The following SLC9B1 variants were observed in gnomAD, a reference collection of about 807,000 sequenced individuals.
SLC9B1 encodes sodium/hydrogen exchanger 9B1.
In SLC9B1, 32 loss-of-function variants were observed where a neutral mutation model predicts 51.7. That is an observed-to-expected ratio of 0.62 (90% CI 0.47 to 0.83). The LOEUF (loss-of-function observed/expected upper bound fraction) is 0.83, where lower values mean the gene tolerates loss of function less well. Among genes scored for constraint, SLC9B1 ranks in the 40% least tolerant of loss-of-function variants. The pLI is 0.00. For synonymous variants in SLC9B1, 145 were observed against 212.7 expected (o/e 0.68, Z 2.77); for missense variants, 406 against 613.2 (o/e 0.66, Z 3.57).
rs1343231351 is a variant in SLC9B1 at position 102,909,489 on chromosome 4, G to A, written c.1086+950C>T. The stretch of plus-strand genomic sequence containing the variant: ...GTGGTGGTGTGCGCCTGTAATCCCA[G>A]CTACTAGGGAGGCTGAAACAGAAGA... On this transcript the variant is annotated intron_variant, in intron 9 of 11. Coordinates refer to ENST00000296422, the MANE Select transcript of SLC9B1 (RefSeq NM_139173.4). Among the ~76,000 whole-genome samples, 4 of 152,200 alleles carry A rather than the reference G, an allele frequency of 2.6e-5. No homozygotes were observed. The East Asian group carries it at 7.7e-4, about 29-fold the overall frequency.
intron 11 of SLC9B1, chr4:102,887,461 G>C: frequency 2.1e-6 from 2 of 955,546 alleles, no homozygotes; most frequent in Non-Finnish European, 3.3e-6. Context: ...CATTCTTTGT[G>C]TATAGAAAAT....
intron 3 of SLC9B1, among the ~76,000 whole-genome samples, chr4:102,966,091 G>T (rs1163183699): frequency 6.6e-6 from 1 of 152,210 alleles, no homozygotes; most frequent in Non-Finnish European, 1.5e-5. Context: ...GATACCTATG[G>T]CTTTTCCAGG....
intron 1 of SLC9B1, 74 bp from the exon 2 acceptor site, chr4:102,991,786 G>T: frequency 9.5e-7 from 1 of 1,047,556 alleles, no homozygotes; most frequent in Non-Finnish European, 1.3e-6. Context: ...ACATGGTTAA[G>T]TGGGATTAAT....
rs529928520 is a variant in SLC9B1, at chr4:102,919,582, G to C, written c.830-8045C>G. ...GGAGAGTGGGTGCAGGCCCACAGAG[G>C]GTGAGCTGAAGCAGGGTGGGGCATC... On this transcript the variant is annotated intron_variant, in intron 7 of 11. Coordinates refer to ENST00000296422, the MANE Select transcript of SLC9B1 (RefSeq NM_139173.4). 1.3e-4 allele frequency among the ~76,000 whole-genome samples: 20 copies of C among 152,210 alleles called. No individual in the cohort carries two copies. The South Asian group carries it at 3.9e-3, about 30-fold the overall frequency.
At chr4:102,894,061 A>G (rs1386499895) in intron 11 of SLC9B1, among the ~76,000 whole-genome samples, 1 of 152,248 alleles carries the variant, frequency 6.6e-6, no homozygotes, top group Non-Finnish European at 1.5e-5. Context: ...GGGTATTTCA[A>G]TATCAGTTAA....
At chr4:102,925,555 A>C (rs1736118382) in intron 7 of SLC9B1, among the ~76,000 whole-genome samples, 1 of 151,962 alleles carries the variant, frequency 6.6e-6, no homozygotes, top group Non-Finnish European at 1.5e-5. Flanking sequence ...GTATAATAAC[A>C]AAAAAAACTA....
intron 1 of SLC9B1, among the ~76,000 whole-genome samples, chr4:102,996,351 G>A (rs528670943): frequency 9.9e-4 from 150 of 152,042 alleles, no homozygotes; most frequent in African/African-American, 3.5e-3. Context: ...GCTTTTTTAC[G>A]CTGATAATAC....
At chr4:102,962,000 G>A in intron 3 of SLC9B1, 1 of 298,582 alleles carries the variant, frequency 3.3e-6, no homozygotes, top group Non-Finnish European at 6.5e-6. Flanking sequence ...GTGGCATCAG[G>A]TAAGAGCCAC....
chr4:102,956,976 G>C (rs1198244757), intron 3 of SLC9B1, among the ~76,000 whole-genome samples: 1 of 152,056 alleles, frequency 6.6e-6, no homozygotes, highest in Non-Finnish European at 1.5e-5. Context: ...CATGAATAAG[G>C]AGACAGAATA....
chr4:102,971,052 C>G lies in SLC9B1; in HGVS notation c.211+18748G>C, dbSNP rs576745475. 1.9e-3 allele frequency among the ~76,000 whole-genome samples: 287 copies of G among 152,218 alleles called. 2 individuals carry two copies. The highest frequency in any genetic ancestry group is 3.4e-3 in the Non-Finnish European group (231 of 68,010). On this transcript the variant is annotated intron_variant, in intron 3 of 11. Transcript: ENST00000296422. ...ACAATAATAATGAGAGACTTTAACA[C>G]CCCACTGTCAATATTAGACAGATCA...
At chr4:102,973,549 T>A (rs1738872799) in intron 3 of SLC9B1, among the ~76,000 whole-genome samples, 1 of 152,138 alleles carries the variant, frequency 6.6e-6, no homozygotes, top group African/African-American at 2.4e-5. Context: ...AAAGGAAATA[T>A]ATAGACTTCC....
intron 7 of SLC9B1, chr4:102,912,023 C>G (rs773998451): frequency 5.1e-6 from 1 of 197,056 alleles, no homozygotes; most frequent in Non-Finnish European, 1.1e-5. Context: ...GTCCCAGGTA[C>G]TCGGGAGGCT....
In SLC9B1 at chr4:102,924,539, A is replaced by C. The variant is rs534971938; in HGVS notation, c.829+7585T>G. Among the ~76,000 whole-genome samples the C allele has an allele frequency of 5.3e-5, 8 of 152,350 alleles. No homozygotes were observed. In the South Asian group the frequency reaches 1.7e-3, roughly 32 times the overall value. ...AAAACACCAATAGCAATGGCAACAA[A>C]AGCCAAAATTGACAAATGGGATCTA... is the stretch of plus-strand genomic sequence containing the variant. On this transcript the variant is annotated intron_variant, in intron 7 of 11. Transcript: ENST00000296422.
At chr4:102,934,526 C>T (rs911864547) in intron 6 of SLC9B1, among the ~76,000 whole-genome samples, 7 of 152,162 alleles carry the variant, frequency 4.6e-5, no homozygotes, top group South Asian at 2.1e-4. Flanking sequence ...GGGCTAGGTG[C>T]GATGGCTCAC....
chr4:102,945,403 CTT>C (rs1484465029), intron 5 of SLC9B1, 83 bp from the exon 6 acceptor site: 1 of 1,410,774 alleles, frequency 7.1e-7, no homozygotes, highest in African/African-American at 1.4e-5. Context: ...ACTATAAAGT[CTT>C]TTTTCATAAG....
intron 1 of SLC9B1, among the ~76,000 whole-genome samples, chr4:103,011,155 T>C (rs979275760): frequency 6.6e-6 from 1 of 152,138 alleles, no homozygotes; most frequent in Non-Finnish European, 1.5e-5. Flanking sequence ...AGAGGAAAGA[T>C]AGATATTCCC....
intron 3 of SLC9B1, among the ~76,000 whole-genome samples, chr4:102,958,011 G>A (rs1578380122): frequency 6.6e-6 from 1 of 152,198 alleles, no homozygotes; most frequent in African/African-American, 2.4e-5. Flanking sequence ...TACTTGGGAG[G>A]CTGAGATAGA....
intron 7 of SLC9B1, among the ~76,000 whole-genome samples, chr4:102,916,285 G>A (rs1269575657): frequency 4.6e-5 from 7 of 152,218 alleles, no homozygotes; most frequent in South Asian, 2.1e-4. Context: ...AGAGAACAAC[G>A]ATGGCCATAC....
chr4:102,980,750 G>T, intron 3 of SLC9B1, among the ~76,000 whole-genome samples: 1 of 150,976 alleles, frequency 6.6e-6, no homozygotes, highest in Non-Finnish European at 1.5e-5. Flanking sequence ...AAAAGTTGAT[G>T]AAAAAAAAAT....
Sources: allele counts gnomAD v4.1 joint callset (sites outside exome capture counted in the v4.1 genomes callset), GRCh38; gene constraint gnomAD v4.1.1; transcripts MANE v1.5; gene names NCBI Gene and HGNC (gene_info 2026-07-23, HGNC 2026-07-21).